Variants in LRP1 observed in about 807,000 individuals in gnomAD.
LRP1 encodes LDL receptor related protein 1, also known as prolow-density lipoprotein receptor-related protein 1.
A neutral mutation model predicts 541.5 loss-of-function variants in LRP1; 51 were observed. That is an observed-to-expected ratio of 0.09 (90% CI 0.08 to 0.12). The LOEUF (loss-of-function observed/expected upper bound fraction) is 0.12. Among genes scored for constraint, LRP1 ranks in the 10% least tolerant of loss-of-function variants. The pLI is 1.00. For missense variants in LRP1, 3,878 were observed against 6,376.2 expected, an observed-to-expected ratio of 0.61 and a Z score of 13.34; for synonymous variants, 2,219 against 2,470.8, an observed-to-expected ratio of 0.90 and a Z score of 3.02.
At chr12:57,135,942 CG>C in intron 1 of LRP1, among the ~76,000 whole-genome samples, 1 of 152,098 alleles carries the variant, frequency 6.6e-6, no homozygotes. Context: ...CGTGGCTGTG[CG>C]CTCTGCCCCT....
chr12:57,181,408 G>A, intron 34 of LRP1, 117 bp downstream of exon 34: 1 of 1,297,354 alleles, frequency 7.7e-7, no homozygotes, highest in Non-Finnish European at 1.0e-6. Flanking sequence ...CGTCGTGTAG[G>A]GGACACTGGA....
chr12:57,199,400 G>A lies in LRP1; in HGVS notation c.9865G>A (p.Val3289Met), dbSNP rs764000429. The change falls in exon 61 of 89, where the codon GTG (valine) becomes ATG (methionine). Residue 3289 changes from valine to methionine, a missense_variant and splice_region_variant. Coordinates refer to ENST00000243077, the MANE Select transcript of LRP1 (RefSeq NM_002332.3). ...HVFHALRQPD[V>M]PNHPCKVNNG... ...CTTCCATGCCCTGCGCCAGCCAGAC[G>A]GTGAGCAGGCAAGGGGTGGGAGCAG... is the stretch of plus-strand genomic sequence containing the variant. 8 of 1,607,250 alleles carry A rather than the reference G, an allele frequency of 5.0e-6. No individual in the cohort carries two copies. The highest frequency in any genetic ancestry group is 2.2e-5 in the East Asian group (1 of 44,766).
In LRP1 at chr12:57,173,653, G is replaced by C; in HGVS notation, c.3347-127G>C. ...TGTGAATTTGACCCAAAAAGCCTCGGGGTTCCTCGTGGACCCCACAGCGTT... is the reference window on the plus strand; with the variant it reads ...TGTGAATTTGACCCAAAAAGCCTCGCGGTTCCTCGTGGACCCCACAGCGTT... On this transcript the variant is annotated intron_variant, in intron 21 of 88. Transcript: ENST00000243077. The surrounding 1 kb of genome is among the most constrained non-coding windows in gnomAD (Gnocchi z 4.7). 1.0e-6 allele frequency: 1 copy of C among 976,722 alleles called. No individual in the cohort carries two copies. The highest frequency in any genetic ancestry group is 1.6e-6 in the Non-Finnish European group (1 of 638,408). The allele number at this position is 976,722 out of a possible 1,614,324, so 60.5% of individuals were successfully genotyped here.
intron 6 of LRP1, among the ~76,000 whole-genome samples, chr12:57,147,175 G>GA (rs2035427954): frequency 6.6e-6 from 1 of 151,514 alleles, no homozygotes; most frequent in Non-Finnish European, 1.5e-5. Context: ...ATGCTTGTGG[G>GA]GTAAATGAGT....
At chr12:57,135,478 A>C (rs538312822) in intron 1 of LRP1, among the ~76,000 whole-genome samples, 86 of 152,274 alleles carry the variant, frequency 5.6e-4, no homozygotes, top group African/African-American at 2.0e-3. Context: ...GGCTGTGTAG[A>C]CTGTCCCAAA....
intron 4 of LRP1, 104 bp from the exon 5 acceptor site, chr12:57,144,868 C>T (rs2136662474): frequency 8.5e-7 from 1 of 1,172,752 alleles, no homozygotes; most frequent in East Asian, 2.4e-5. Context: ...AACTGTCCTT[C>T]AAGGTAGCTG....
In LRP1 at chr12:57,201,059, G is replaced by C; in HGVS notation, c.10251G>C (p.Gln3417His). 6.2e-7 allele frequency: 1 copy of C among 1,614,104 alleles called. No individual in the cohort carries two copies. The highest frequency in any genetic ancestry group is 8.5e-7 in the Non-Finnish European group (1 of 1,180,018). ...ACATCCACGTCTGCTTGCCCAGTCAGTTCAAATGCACCAACACCAACCGCT... is the reference window on the plus strand; with the variant it reads ...ACATCCACGTCTGCTTGCCCAGTCACTTCAAATGCACCAACACCAACCGCT... ...NCDIHVCLPS[Q>H]FKCTNTNRCI... Residue 3417 changes from glutamine (Q) to histidine (H), a missense_variant, in exon 65 of 89, where the codon CAG becomes CAC. Physicochemically the swap from Gln to His is conservative, Grantham distance 24. Transcript: ENST00000243077. The surrounding 1 kb of genome is among the most constrained non-coding windows in gnomAD (Gnocchi z 6.4).
chr12:57,178,533 C>T lies in LRP1; in HGVS notation c.4536C>T (p.Val1512=). Residue 1512 remains valine, a synonymous_variant, in exon 27 of 89, where the codon GTC becomes GTT. Transcript: ENST00000243077. The surrounding 1 kb of genome is among the most constrained non-coding windows in gnomAD (Gnocchi z 5.8). Reference sequence around the variant, plus strand: ...CCAACAAGTGGACCGGCCACAATGTCACCGTGGTACAGAGGACCAACACCC... The same window carrying T: ...CCAACAAGTGGACCGGCCACAATGTTACCGTGGTACAGAGGACCAACACCC... ...AKANKWTGHN[V]TVVQRTNTQP... 1 of 1,614,222 alleles carries T rather than the reference C, an allele frequency of 6.2e-7. No individual in the cohort carries two copies. The highest frequency in any genetic ancestry group is 1.3e-5 in the African/African-American group (1 of 75,042).
At position 57,149,341 on chromosome 12, in the gene LRP1, C is replaced by T. The variant is rs1452377769; in HGVS notation, c.841+3851C>T. 2.4e-5 allele frequency: 11 copies of T among 455,766 alleles called. No homozygotes were observed. In the East Asian group the frequency reaches 3.2e-4, roughly 13 times the overall value. The allele number at this position is 455,766 out of a possible 1,614,324, so 28.2% of individuals were successfully genotyped here. ...TGTTCTGAGTTTCCTAATCATTTAA[C>T]AGCTCACTCTTGCTCCTCCTCTCTC... On this transcript the variant is annotated intron_variant, in intron 6 of 88. Coordinates refer to ENST00000243077, the MANE Select transcript of LRP1 (RefSeq NM_002332.3).
Position 57,211,761 on chromosome 12 carries a change from A to G in LRP1, c.13205A>G (p.His4402Arg). 1.2e-6 allele frequency: 2 copies of G among 1,613,136 alleles called. No homozygotes were observed. Among genetic ancestry groups the G allele is most frequent in the Non-Finnish European group, 1.7e-6 (2 of 1,179,922 alleles). ...KMMPECQCPP[H>R]MTGPRCEEHV... ...CCTCCTTTCTGCAGGTGCCCACCCC[A>G]CATGACAGGGCCCCGGTGTGAGGAG... The change falls in exon 86 of 89, where the codon CAC becomes CGC. Residue 4402 changes from histidine to arginine, a missense_variant. His to Arg is a conservative substitution (Grantham distance 29, BLOSUM62 0). This residue lies in a region of LRP1 where 871 missense variants were observed against 1,212.4 expected (regional missense o/e 0.72). Coordinates refer to ENST00000243077, the MANE Select transcript of LRP1 (RefSeq NM_002332.3). This position sits in a 1 kb window ranked among gnomAD's most constrained non-coding sequence, Gnocchi z 4.3.
At position 57,195,981 on chromosome 12, in the gene LRP1, G is replaced by A. The variant is rs372860582; in HGVS notation, c.8679G>A (p.Lys2893=). Reference sequence around the variant, plus strand: ...ACGACCAGAGTGACGAGGCTCCCAAGAACCCACACTGCACCAGCCAAGGTG... The same window carrying A: ...ACGACCAGAGTGACGAGGCTCCCAAAAACCCACACTGCACCAGCCAAGGTG... ...DCHDQSDEAP[K]NPHCTSQEHK... The change falls in exon 54 of 89, where the codon AAG becomes AAA. Residue 2893 remains lysine (K), a synonymous_variant. Transcript: ENST00000243077. 4.5e-4 allele frequency: 724 copies of A among 1,613,062 alleles called. No individual in the cohort carries two copies. Among genetic ancestry groups the A allele is most frequent in the Non-Finnish European group, 5.7e-4 (677 of 1,179,988 alleles).
In LRP1 at chr12:57,187,258, T is replaced by A; in HGVS notation, c.6842-9T>A. The A allele has an allele frequency of 6.2e-7, 1 of 1,608,382 alleles. No individual in the cohort carries two copies. The highest frequency in any genetic ancestry group is 8.5e-7 in the Non-Finnish European group (1 of 1,176,592). On this transcript the variant is annotated splice_polypyrimidine_tract_variant and intron_variant, in intron 41 of 88. Coordinates refer to ENST00000243077, the MANE Select transcript of LRP1 (RefSeq NM_002332.3). ...CTCCTGACAAATCGCTGCTCCTGTC[T>A]CTTCACAGACGTGGGCTCCGTGGAA...
At chr12:57,172,493 G>A (rs1465864637) in intron 20 of LRP1, among the ~76,000 whole-genome samples, 1 of 152,150 alleles carries the variant, frequency 6.6e-6, no homozygotes, top group Non-Finnish European at 1.5e-5. Flanking sequence ...TGAAGTGCTG[G>A]CGTAGTCCTA....
intron 15 of LRP1, chr12:57,164,849 G>C (rs2035807962): frequency 6.6e-6 from 1 of 152,266 alleles, no homozygotes; most frequent in South Asian, 2.1e-4. Flanking sequence ...GAGGGCGTTG[G>C]CTGAGAGGGT....
At chr12:57,161,162 A>C in intron 13 of LRP1, 47 bp downstream of exon 13, 1 of 1,582,300 alleles carries the variant, frequency 6.3e-7, no homozygotes, top group South Asian at 1.1e-5. Context: ...GTGTTGCTAG[A>C]CCATGCTTGG....
At chr12:57,208,924 C>CTGGG (rs1181934004) in intron 78 of LRP1, 107 bp downstream of exon 78, 1 of 1,144,972 alleles carries the variant, frequency 8.7e-7, no homozygotes, top group East Asian at 2.4e-5. Flanking sequence ...GGGGCTTGGA[C>CTGGG]TGGGGCAGGG....
In LRP1 at chr12:57,205,326, G is replaced by T. The variant is rs1235274490; in HGVS notation, c.11336-25G>T. ...CCTGGCCTGGGGTGGCTCAAGGGAG[G>T]GCATCCACTCTCTGTCCCCCACAGA... On this transcript the variant is annotated intron_variant, in intron 73 of 88. Transcript: ENST00000243077. The surrounding 1 kb of genome is among the most constrained non-coding windows in gnomAD (Gnocchi z 4.6). The T allele has an allele frequency of 6.3e-7, 1 of 1,590,794 alleles. No individual in the cohort carries two copies. The highest frequency in any genetic ancestry group is 1.7e-5 in the Admixed American group (1 of 59,004).
intron 78 of LRP1, 90 bp from the exon 79 acceptor site, chr12:57,208,993 G>A (rs2036849920): frequency 1.7e-6 from 2 of 1,178,292 alleles, no homozygotes; most frequent in Non-Finnish European, 2.5e-6. Flanking sequence ...TATGAACAGG[G>A]TGGAGCTGTC....
chr12:57,196,187 G>T lies in LRP1; in HGVS notation c.8802G>T (p.Ser2934=). 6.2e-7 allele frequency: 1 copy of T among 1,612,292 alleles called. No individual in the cohort carries two copies. Among genetic ancestry groups the T allele is most frequent in the Non-Finnish European group, 8.5e-7 (1 of 1,179,414 alleles). Residue 2934 remains serine, a synonymous_variant, in exon 55 of 89, where the codon TCG becomes TCT. Transcript: ENST00000243077. ...GCCAGGATGACTGTGGCGACAGCTC[G>T]GACGAGCGTGGCTGCCACATCAATG... ...CNGQDDCGDS[S]DERGCHINEC...
Sources: allele counts gnomAD v4.1 joint callset (sites outside exome capture counted in the v4.1 genomes callset), GRCh38; gene constraint gnomAD v4.1.1; regional missense constraint gnomAD v4.1.1; non-coding constraint Gnocchi (gnomAD v3.1); transcripts MANE v1.5; gene names NCBI Gene and HGNC (gene_info 2026-07-23, HGNC 2026-07-21).